Variants in SRPX observed in about 807,000 individuals in gnomAD.
The protein encoded by SRPX is sushi repeat containing protein X-linked.
Under a neutral mutation model 38.1 loss-of-function variants are expected in SRPX, and 24 were observed. That is an observed-to-expected ratio of 0.63 (90% CI 0.46 to 0.89). The LOEUF (loss-of-function observed/expected upper bound fraction) is 0.89, where lower values mean the gene tolerates loss of function less well. SRPX is among the 40% of genes least tolerant of loss of function. The probability of loss-of-function intolerance (pLI) is 0.00; values close to 1 mark genes in which losing one functional copy is unlikely to be tolerated. For missense variants in SRPX, 416 were observed against 377.8 expected, an observed-to-expected ratio of 1.10 and a Z score of -0.84; for synonymous variants, 184 against 153.8, an observed-to-expected ratio of 1.20 and a Z score of -1.45.
intron 1 of SRPX, among the ~76,000 whole-genome samples, chrX:38,194,863 GTTTTTTTTTTTTTT>G (rs35179239): frequency 3.7e-5 from 2 of 53,680 alleles, no homozygotes; most frequent in East Asian, 9.4e-4. Context: ...TTTGTTTTTG[GTTTTTTTTTTTTTT>G]TTTTTTTTTT....
chrX:38,203,550 G>A (rs921796530), intron 1 of SRPX, among the ~76,000 whole-genome samples: 3 of 113,181 alleles, frequency 2.7e-5, no homozygotes, highest in East Asian at 2.8e-4. Flanking sequence ...AGGCTGAGGC[G>A]AGTGGATCAC....
intron 9 of SRPX, among the ~76,000 whole-genome samples, chrX:38,153,302 C>CTT (rs58888978): frequency 0.033 from 1,788 of 54,610 alleles, 80 homozygotes; most frequent in Non-Finnish European, 0.045. Context: ...TTCTTTCTTT[C>CTT]TTTTTTTTTT....
intron 1 of SRPX, among the ~76,000 whole-genome samples, chrX:38,219,969 A>T (rs1182097259): frequency 8.9e-6 from 1 of 112,882 alleles, no homozygotes; most frequent in African/African-American, 3.2e-5. Flanking sequence ...TGCTCACACC[A>T]TGAGAGCCCC....
At chrX:38,195,381 G>GT (rs1938979263) in intron 1 of SRPX, among the ~76,000 whole-genome samples, 1 of 76,579 alleles carries the variant, frequency 1.3e-5, no homozygotes, top group African/African-American at 4.2e-5. Flanking sequence ...AGGTGTTTGT[G>GT]GTTTTTTTTT....
Position 38,174,264 on chromosome X carries a change from C to A in SRPX, c.245G>T (p.Gly82Val), listed in dbSNP as rs756647269. 8.6e-7 allele frequency: 1 copy of A among 1,164,246 alleles called. No homozygotes were observed. The highest frequency in any genetic ancestry group is 1.1e-6 in the Non-Finnish European group (1 of 872,484). Residue 82 changes from glycine to valine, a missense_variant, in exon 3 of 10, where the codon GGA becomes GTA. Transcript: ENST00000378533. ...PQGGYYKTAL[G>V]TRCDIRCQKG... ...CTGGCAGCGAATGTCGCACCTGGTT[C>A]CCAGGGCTGTTTTGTAGTATCCTCC...
rs747668896 is a variant in SRPX at position 38,149,860 on chromosome X, T to C, written c.1246A>G (p.Met416Val). ...ATGCCATGCTTATCCACTAGCACCATACTGAAGGAGTAGAGTGGGATTCGC... is the reference window on the plus strand; with the variant it reads ...ATGCCATGCTTATCCACTAGCACCACACTGAAGGAGTAGAGTGGGATTCGC... ...LLRIPLYSFS[M>V]VLVDKHGMDK... The change falls in exon 10 of 10, where the codon ATG becomes GTG. Residue 416 changes from methionine (M) to valine (V), a missense_variant. Met to Val is a conservative substitution (Grantham distance 21). Coordinates refer to ENST00000378533, the MANE Select transcript of SRPX (RefSeq NM_006307.5). 4 of 1,208,852 alleles carry C rather than the reference T, an allele frequency of 3.3e-6. No individual in the cohort carries two copies. Among genetic ancestry groups the C allele is most frequent in the Admixed American group, 4.4e-5 (2 of 45,648 alleles).
At chrX:38,161,476 C>T (rs1450235844) in intron 5 of SRPX, among the ~76,000 whole-genome samples, 25 of 96,317 alleles carry the variant, frequency 2.6e-4, no homozygotes, top group African/African-American at 9.1e-4. Flanking sequence ...CAGTCACTGG[C>T]AATTTGGGCC....
rs1156333753 is a variant in SRPX at position 38,189,378 on chromosome X, T to C, written c.98-11034A>G. Among the ~76,000 whole-genome samples the C allele has an allele frequency of 2.7e-5, 3 of 112,067 alleles. No homozygotes were observed. In the East Asian group the frequency reaches 8.3e-4, roughly 31 times the overall value. ...CATCATTTTAAAAATCTGCCTGGTC[T>C]TTCATTTCCATTGCCTCTTTAAGTC... On this transcript the variant is annotated intron_variant, in intron 1 of 9. Coordinates refer to ENST00000378533, the MANE Select transcript of SRPX (RefSeq NM_006307.5).
intron 1 of SRPX, among the ~76,000 whole-genome samples, chrX:38,185,124 A>C (rs1359494788): frequency 8.9e-6 from 1 of 112,136 alleles, no homozygotes; most frequent in Non-Finnish European, 1.9e-5. Flanking sequence ...GGTGGGAACT[A>C]TGTCTAATTT....
chrX:38,175,103 C>T (rs1938544133), intron 2 of SRPX, among the ~76,000 whole-genome samples: 1 of 112,092 alleles, frequency 8.9e-6, no homozygotes, highest in Non-Finnish European at 1.9e-5. Flanking sequence ...CAGAACCTCC[C>T]TGCTGTGCTT....
intron 1 of SRPX, among the ~76,000 whole-genome samples, chrX:38,205,324 G>T (rs1427005523): frequency 8.9e-6 from 1 of 112,044 alleles, no homozygotes; most frequent in Non-Finnish European, 1.9e-5. Flanking sequence ...GTTAGCAGGT[G>T]GATAATAATA....
At chrX:38,216,615 C>T (rs948547445) in intron 1 of SRPX, among the ~76,000 whole-genome samples, 6 of 112,489 alleles carry the variant, frequency 5.3e-5, no homozygotes, top group African/African-American at 1.9e-4. Context: ...TTATTATTCA[C>T]GCTGCTATTT....
At position 38,161,077 on chromosome X, in the gene SRPX, C is replaced by G. The variant is rs373603379; in HGVS notation, c.654-23G>C. 79 of 1,203,805 alleles carry G rather than the reference C, an allele frequency of 6.6e-5. No individual in the cohort carries two copies. In the African/African-American group the frequency reaches 7.7e-4, roughly 12 times the overall value. ...ACACTTAGAGAAAAAAAATCAGAAA[C>G]AGGAAAGATGACATTATGGACCTGA... is the stretch of plus-strand genomic sequence containing the variant. On this transcript the variant is annotated intron_variant, in intron 5 of 9. Coordinates refer to ENST00000378533, the MANE Select transcript of SRPX (RefSeq NM_006307.5).
intron 3 of SRPX, 74 bp downstream of exon 3, chrX:38,174,086 A>T: frequency 1.2e-6 from 1 of 868,772 alleles, no homozygotes. Context: ...TTCAGTGAAA[A>T]TCCTCAATCT....
At chrX:38,220,627 A>C in intron 1 of SRPX, 69 bp downstream of exon 1, 1 of 1,153,653 alleles carries the variant, frequency 8.7e-7, no homozygotes, top group Non-Finnish European at 1.1e-6. Context: ...TCCCGAGCGA[A>C]GGGTCCCAAC....
At chrX:38,196,468 G>T (rs1342857036) in intron 1 of SRPX, among the ~76,000 whole-genome samples, 1 of 112,455 alleles carries the variant, frequency 8.9e-6, no homozygotes, top group East Asian at 2.8e-4. Context: ...TTTAAAAAGT[G>T]CTAATCATGA....
At chrX:38,184,400 GT>G (rs1258890156) in intron 1 of SRPX, among the ~76,000 whole-genome samples, 1 of 111,164 alleles carries the variant, frequency 9.0e-6, no homozygotes, top group Non-Finnish European at 1.9e-5. Flanking sequence ...TTTTAATATT[GT>G]CAGAAAGAAG....
intron 1 of SRPX, among the ~76,000 whole-genome samples, chrX:38,195,690 T>G (rs1004213441): frequency 5.0e-4 from 56 of 111,899 alleles, no homozygotes; most frequent in African/African-American, 1.7e-3. Context: ...AGAGTCCCAA[T>G]GAAAACTCAA....
intron 1 of SRPX, among the ~76,000 whole-genome samples, chrX:38,201,486 G>A (rs1466866001): frequency 8.9e-6 from 1 of 111,747 alleles, no homozygotes; most frequent in Non-Finnish European, 1.9e-5. Flanking sequence ...TGAACAAAGT[G>A]CATCTGAACA....
Sources: gnomAD v4.1 joint callset for allele counts (sites outside exome capture counted in the v4.1 genomes callset) on GRCh38, gnomAD v4.1.1 for gene constraint, MANE v1.5 for transcripts, NCBI Gene and HGNC (gene_info 2026-07-23, HGNC 2026-07-21) for gene names.